USP40: variants seen among roughly 807,000 people sequenced by gnomAD.
The protein encoded by USP40 is ubiquitin specific peptidase 40, also known as ubiquitin carboxyl-terminal hydrolase 40.
USP40 carries 143 observed loss-of-function variants against 166.2 expected under a neutral mutation model. The ratio of observed to expected loss-of-function variants is 0.86; its 90% CI spans 0.75 to 0.99. The LOEUF (loss-of-function observed/expected upper bound fraction) is 0.99. USP40 is among the 50% of genes least tolerant of loss of function. USP40 has a pLI of 0.00. For synonymous variants in USP40, 498 were observed against 524.0 expected, an observed-to-expected ratio of 0.95 and a Z score of 0.68; for missense variants, 1,444 against 1,479.7, an observed-to-expected ratio of 0.98 and a Z score of 0.40.
At chr2:233,548,313 G>A (rs2070191505) in intron 8 of USP40, among the ~76,000 whole-genome samples, 1 of 152,054 alleles carries the variant, frequency 6.6e-6, no homozygotes. Flanking sequence ...AATTCACCCT[G>A]GTTTTAAATC....
At chr2:233,535,591 C>T (rs2068875010) in intron 10 of USP40, among the ~76,000 whole-genome samples, 1 of 152,138 alleles carries the variant, frequency 6.6e-6, no homozygotes, top group African/African-American at 2.4e-5. Flanking sequence ...AACAGACCCA[C>T]CCTAAAGCCC....
intron 11 of USP40, among the ~76,000 whole-genome samples, chr2:233,530,205 GAC>G (rs71058561): frequency 1.0e-4 from 15 of 149,238 alleles, no homozygotes; most frequent in Non-Finnish European, 1.3e-4. Flanking sequence ...TCACTCCCAA[GAC>G]ACACACACAC....
chr2:233,532,714 T>C (rs1487847711), intron 11 of USP40, among the ~76,000 whole-genome samples: 1 of 152,098 alleles, frequency 6.6e-6, no homozygotes, highest in Non-Finnish European at 1.5e-5. Flanking sequence ...GGCTGAGGTG[T>C]GAGCATCATC....
chr2:233,551,361 T>G lies in USP40; in HGVS notation c.837+15A>C, dbSNP rs957096724. 7.0e-6 allele frequency: 11 copies of G among 1,569,280 alleles called. No individual in the cohort carries two copies. The highest frequency in any genetic ancestry group is 9.4e-6 in the Non-Finnish European group (11 of 1,164,800). On this transcript the variant is annotated intron_variant, in intron 7 of 31. Coordinates refer to ENST00000678225, the MANE Select transcript of USP40 (RefSeq NM_001365479.2). ...GAGGGGAAAAGAAAGAATTTAAAAA[T>G]AAAATAGTTCAAACCTGTTCACAAA...
Position 233,479,603 on chromosome 2 carries a change from T to C in USP40, c.3599+1600A>G, listed in dbSNP as rs983046629. Among the ~76,000 whole-genome samples, 3 of 150,766 alleles carry C rather than the reference T, an allele frequency of 2.0e-5. No homozygotes were observed. In the East Asian group the frequency reaches 5.8e-4, roughly 29 times the overall value. On this transcript the variant is annotated intron_variant, in intron 31 of 31. Coordinates refer to ENST00000678225, the MANE Select transcript of USP40 (RefSeq NM_001365479.2). ...TTGGAAAACAGTATTTTAGTGTCTATGTATTAGACACGTATAGAATTTTAC... is the reference window on the plus strand; with the variant it reads ...TTGGAAAACAGTATTTTAGTGTCTACGTATTAGACACGTATAGAATTTTAC...
chr2:233,498,375 CT>C (rs1206851701), intron 23 of USP40, among the ~76,000 whole-genome samples, 172 bp downstream of exon 23: 1 of 152,200 alleles, frequency 6.6e-6, no homozygotes, highest in Non-Finnish European at 1.5e-5. Context: ...TGCACTGTGA[CT>C]TCCCCTTTAT....
intron 1 of USP40, among the ~76,000 whole-genome samples, chr2:233,565,917 G>A (rs1457678972): frequency 1.3e-5 from 2 of 152,130 alleles, no homozygotes; most frequent in Admixed American, 1.3e-4. Flanking sequence ...TTTTAAAAAG[G>A]CACGTTCACA....
intron 8 of USP40, chr2:233,546,719 C>G (rs2069980720): frequency 6.6e-6 from 1 of 152,188 alleles, no homozygotes; most frequent in South Asian, 2.1e-4. Context: ...CGATCAGAAT[C>G]TAATGAAAGG....
chr2:233,544,714 A>T (rs1038740425), intron 8 of USP40, among the ~76,000 whole-genome samples: 1 of 152,172 alleles, frequency 6.6e-6, no homozygotes, highest in African/African-American at 2.4e-5. Flanking sequence ...TATCACAATG[A>T]CAAAATCCGG....
chr2:233,488,624 A>C (rs2125056068), intron 27 of USP40, among the ~76,000 whole-genome samples: 1 of 152,376 alleles, frequency 6.6e-6, no homozygotes, highest in East Asian at 1.9e-4. Flanking sequence ...ACCGATTAAA[A>C]GCAGCCTTGG....
chr2:233,542,212 C>A, intron 9 of USP40, 56 bp downstream of exon 9: 5 of 994,056 alleles, frequency 5.0e-6, no homozygotes, highest in Non-Finnish European at 7.3e-6. Flanking sequence ...TACACACATG[C>A]ACACATACAC....
intron 23 of USP40, among the ~76,000 whole-genome samples, chr2:233,498,008 C>T (rs1419386149): frequency 4.6e-5 from 7 of 152,182 alleles, no homozygotes; most frequent in African/African-American, 1.2e-4. Flanking sequence ...TCTAAGGCTA[C>T]GCATTTGAAC....
At position 233,496,814 on chromosome 2, in the gene USP40, G is replaced by T; in HGVS notation, c.2734C>A (p.Leu912Ile). ...LCEEDATLKE[L>I]LICSGDTLLL... ...AAAGTATCTCCAGAACATATCAGAA[G>T]TTCTTTCAGTGTTGCATCCTGGGAA... is the stretch of plus-strand genomic sequence containing the variant. Residue 912 changes from leucine (L) to isoleucine (I), a missense_variant, in exon 24 of 32, where the codon CTT (leucine) becomes ATT (isoleucine). Coordinates refer to ENST00000678225, the MANE Select transcript of USP40 (RefSeq NM_001365479.2). The T allele has an allele frequency of 6.2e-7, 1 of 1,612,232 alleles. No individual in the cohort carries two copies. The highest frequency in any genetic ancestry group is 8.5e-7 in the Non-Finnish European group (1 of 1,179,234).
rs563899633 is a variant in USP40, at chr2:233,493,632, C to T, written c.2791-81G>A. ...CTTTTACTTCCATAGAAAGAAACAC[C>T]TTGATGACCTAAGATGTTCTTGAAC... is the stretch of plus-strand genomic sequence containing the variant. On this transcript the variant is annotated intron_variant, in intron 24 of 31. Coordinates refer to ENST00000678225, the MANE Select transcript of USP40 (RefSeq NM_001365479.2). This position sits in a 1 kb window ranked among gnomAD's most constrained non-coding sequence, Gnocchi z 4.7. 18 of 1,423,708 alleles carry T rather than the reference C, an allele frequency of 1.3e-5. No homozygotes were observed. The East Asian group carries it at 2.7e-4, about 21-fold the overall frequency. 88.2% of individuals were successfully genotyped at this position (1,423,708 alleles called of 1,614,324 possible). A position where few individuals can be genotyped will look rare whatever the true frequency, so the allele number is the denominator to read the frequency against.
At chr2:233,551,354 T>G (rs2070540168) in intron 7 of USP40, 22 bp downstream of exon 7, 1 of 1,566,584 alleles carries the variant, frequency 6.4e-7, no homozygotes, top group African/African-American at 1.4e-5. Flanking sequence ...AAGAAAGAAT[T>G]TAAAAATAAA....
At chr2:233,485,214 G>A (rs1282349380) in intron 30 of USP40, among the ~76,000 whole-genome samples, 1 of 152,068 alleles carries the variant, frequency 6.6e-6, no homozygotes, top group Non-Finnish European at 1.5e-5. Context: ...CTACTGTGAC[G>A]TCATGTCACA....
chr2:233,561,343 C>G, intron 3 of USP40: 2 of 625,782 alleles, frequency 3.2e-6, no homozygotes, highest in Non-Finnish European at 5.1e-6. Flanking sequence ...GTAACCAAAA[C>G]AGCATGGTAC....
Position 233,486,077 on chromosome 2 carries a change from G to C in USP40, c.3198-100C>G. ...CAAAGCTTCTCCTCCAGCTTTTCTG[G>C]TTTTTATAAGGAGAGATTTTTCCCT... is the stretch of plus-strand genomic sequence containing the variant. On this transcript the variant is annotated intron_variant, in intron 28 of 31. Transcript: ENST00000678225. The surrounding 1 kb of genome is among the most constrained non-coding windows in gnomAD (Gnocchi z 4.0). 1 of 1,316,318 alleles carries C rather than the reference G, an allele frequency of 7.6e-7. No homozygotes were observed. Among genetic ancestry groups the C allele is most frequent in the Non-Finnish European group, 1.0e-6 (1 of 975,664 alleles). 81.5% of individuals were successfully genotyped at this position (1,316,318 alleles called of 1,614,324 possible). A position where few individuals can be genotyped will look rare whatever the true frequency, so the allele number is the denominator to read the frequency against.
chr2:233,492,625 A>G (rs1200073082), intron 25 of USP40: 1 of 152,200 alleles, frequency 6.6e-6, no homozygotes, highest in Non-Finnish European at 1.5e-5. Flanking sequence ...TACTCTCTCT[A>G]TATAATCCTA....
Sources: gnomAD v4.1 joint callset for allele counts (sites outside exome capture counted in the v4.1 genomes callset) on GRCh38, gnomAD v4.1.1 for gene constraint, Gnocchi (gnomAD v3.1) non-coding constraint, MANE v1.5 for transcripts, NCBI Gene and HGNC (gene_info 2026-07-23, HGNC 2026-07-21) for gene names.